Variants in MYLK observed in about 807,000 individuals in gnomAD.
The protein encoded by MYLK is myosin light chain kinase, smooth muscle.
In MYLK, 106 loss-of-function variants were observed where a neutral mutation model predicts 203.4. The observed-to-expected ratio is 0.52, with a 90% CI of 0.45 to 0.61. The LOEUF is 0.61. Among genes scored for constraint, MYLK ranks in the 20% least tolerant of loss-of-function variants. The pLI is 0.00. For missense variants in MYLK, 2,072 were observed against 2,442.3 expected (o/e 0.85, Z 3.20); for synonymous variants, 867 against 959.5 (o/e 0.90, Z 1.78).
At chr3:123,620,723 T>C in intron 31 of MYLK, 1 of 811,598 alleles carries the variant, frequency 1.2e-6, no homozygotes, top group Non-Finnish European at 1.5e-6. Context: ...CTATTTCTCG[T>C]AAAACAATGC....
intron 20 of MYLK, among the ~76,000 whole-genome samples, chr3:123,675,106 T>C (rs2060031930): frequency 6.6e-6 from 1 of 152,224 alleles, no homozygotes; most frequent in African/African-American, 2.4e-5. Flanking sequence ...TGCTGAGAAA[T>C]ATAGCCCTGG....
Position 123,820,652 on chromosome 3 carries a change from T to TTCCTTCCTTCCTTCCC in MYLK, c.-4+10895_-4+10896insGGGAAGGAAGGAAGGA, listed in dbSNP as rs1560259959. Among the ~76,000 whole-genome samples, 23 of 113,928 alleles carry TTCCTTCCTTCCTTCCC rather than the reference T, an allele frequency of 2.0e-4. No homozygotes were observed. The South Asian group carries it at 5.1e-3, about 25-fold the overall frequency. The allele number at this position is 113,928 out of a possible 152,430, so 74.7% of individuals were successfully genotyped here. A position where few individuals can be genotyped will look rare whatever the true frequency, so the allele number is the denominator to read the frequency against. On this transcript the variant is annotated intron_variant, in intron 3 of 33. Transcript: ENST00000360304. ...CTTCCTTCCTTCCTTCCCTCCTTCC[T>TTCCTTCCTTCCTTCCC]TCCTTCCTTCCCTCCTTCCTTCCTT...
intron 5 of MYLK, among the ~76,000 whole-genome samples, chr3:123,750,423 C>T (rs1263356328): frequency 6.6e-6 from 1 of 152,124 alleles, no homozygotes. Context: ...CCTGCTTGGT[C>T]ATGACATCAG....
chr3:123,829,668 C>T (rs1186152620), intron 3 of MYLK, among the ~76,000 whole-genome samples: 3 of 152,116 alleles, frequency 2.0e-5, no homozygotes, highest in Non-Finnish European at 4.4e-5. Flanking sequence ...ATCTGATCAC[C>T]ATATATTAAT....
chr3:123,762,525 C>A (rs1277469898), intron 4 of MYLK, among the ~76,000 whole-genome samples: 1 of 152,160 alleles, frequency 6.6e-6, no homozygotes, highest in Admixed American at 6.5e-5. Context: ...AGCCACTGCA[C>A]CTGGCCTACT....
intron 3 of MYLK, among the ~76,000 whole-genome samples, chr3:123,794,564 G>A (rs1288061417): frequency 1.3e-5 from 2 of 152,106 alleles, no homozygotes; most frequent in Non-Finnish European, 2.9e-5. Context: ...CTTGCCCCAG[G>A]AGACAGAGCA....
At chr3:123,796,538 T>A (rs1033576908) in intron 3 of MYLK, among the ~76,000 whole-genome samples, 2 of 152,238 alleles carry the variant, frequency 1.3e-5, no homozygotes, top group Admixed American at 6.5e-5. Flanking sequence ...AGATGGGTGA[T>A]AACCTGGAAT....
At position 123,842,346 on chromosome 3, in the gene MYLK, G is replaced by C. The variant is rs372044805; in HGVS notation, c.-126-10676C>G. Among the ~76,000 whole-genome samples, 22 of 152,212 alleles carry C rather than the reference G, an allele frequency of 1.4e-4. No homozygotes were observed. The East Asian group carries it at 4.1e-3, about 28-fold the overall frequency. On this transcript the variant is annotated intron_variant, in intron 2 of 33. Transcript: ENST00000360304. The stretch of plus-strand genomic sequence containing the variant: ...GTAGAGAATACCCCTGGCATCATCA[G>C]TTTTAGAAATGGGGGTCTAGTAACT...
chr3:123,744,488 T>C (rs2062955853), intron 5 of MYLK, among the ~76,000 whole-genome samples: 1 of 152,172 alleles, frequency 6.6e-6, no homozygotes, highest in African/African-American at 2.4e-5. Flanking sequence ...GAAGATAACA[T>C]AGCAAGACAA....
At chr3:123,677,121 C>T (rs1345797756) in intron 20 of MYLK, among the ~76,000 whole-genome samples, 3 of 152,192 alleles carry the variant, frequency 2.0e-5, no homozygotes, top group Non-Finnish European at 2.9e-5. Context: ...ACTTTTGCTG[C>T]TGTGTGACCT....
In MYLK at chr3:123,614,001, T is replaced by A; in HGVS notation, c.*104A>T. The A allele has an allele frequency of 7.1e-7, 1 of 1,408,114 alleles. No homozygotes were observed. Among genetic ancestry groups the A allele is most frequent in the South Asian group, 1.2e-5 (1 of 80,740 alleles). 87.2% of individuals were successfully genotyped at this position (1,408,114 alleles called of 1,614,324 possible). On this transcript the variant is annotated 3_prime_UTR_variant, in exon 34 of 34. Coordinates refer to ENST00000360304, the MANE Select transcript of MYLK (RefSeq NM_053025.4). The stretch of plus-strand genomic sequence containing the variant: ...CACAAATGACCTAACCGATAATCTA[T>A]CACACTAGGTGCTTTTACTATCTTG...
intron 27 of MYLK, among the ~76,000 whole-genome samples, chr3:123,645,838 G>C (rs2059000050): frequency 6.6e-6 from 1 of 152,244 alleles, no homozygotes; most frequent in Non-Finnish European, 1.5e-5. Flanking sequence ...AACTCCCATA[G>C]CAATTTGCTG....
chr3:123,738,586 T>C (rs752995070), intron 7 of MYLK, among the ~76,000 whole-genome samples: 2 of 152,132 alleles, frequency 1.3e-5, no homozygotes, highest in African/African-American at 2.4e-5. Context: ...AGGGACCCAG[T>C]GGGAGGTAAC....
chr3:123,850,151 C>T (rs1312974522), intron 2 of MYLK, among the ~76,000 whole-genome samples: 4 of 152,266 alleles, frequency 2.6e-5, no homozygotes, highest in Admixed American at 6.5e-5. Context: ...CATTGTTGGA[C>T]ATTTGGGTTG....
chr3:123,633,249 C>T (rs543460601), intron 29 of MYLK, among the ~76,000 whole-genome samples: 72 of 152,174 alleles, frequency 4.7e-4, no homozygotes, highest in Admixed American at 2.6e-3. Context: ...ACCTAAGCCA[C>T]CCAAGTAGCA....
At chr3:123,828,118 A>G (rs988688377) in intron 3 of MYLK, among the ~76,000 whole-genome samples, 1 of 152,118 alleles carries the variant, frequency 6.6e-6, no homozygotes, top group South Asian at 2.1e-4. Flanking sequence ...TAAACTTTGT[A>G]TGGAACAATG....
chr3:123,853,599 G>A (rs747884667), intron 2 of MYLK, among the ~76,000 whole-genome samples: 17 of 152,100 alleles, frequency 1.1e-4, no homozygotes, highest in Non-Finnish European at 1.0e-4. Flanking sequence ...ACTATATGAT[G>A]GAGGTGTAGG....
intron 31 of MYLK, chr3:123,620,962 C>T (rs546596695): frequency 2.0e-5 from 3 of 153,334 alleles, no homozygotes; most frequent in Admixed American, 1.3e-4. Context: ...TTGAGAAACA[C>T]TCTGGCTGGC....
chr3:123,734,044 T>G lies in MYLK; in HGVS notation c.952A>C (p.Arg318=). 6.2e-7 allele frequency: 1 copy of G among 1,614,060 alleles called. No individual in the cohort carries two copies. Among genetic ancestry groups the G allele is most frequent in the Non-Finnish European group, 8.5e-7 (1 of 1,179,962 alleles). The change falls in exon 10 of 34, where the codon AGG becomes CGG. Residue 318 remains arginine, a synonymous_variant. Coordinates refer to ENST00000360304, the MANE Select transcript of MYLK (RefSeq NM_053025.4). ...WAANSQPQPP[R]ESKLESCKDS... ...TTGCATGACTCCAGCTTGGACTCCCTTGGGGGCTGAGGCTGGCTGTTTGCA... is the reference window on the plus strand; with the variant it reads ...TTGCATGACTCCAGCTTGGACTCCCGTGGGGGCTGAGGCTGGCTGTTTGCA...
Sources: allele counts gnomAD v4.1 joint callset (sites outside exome capture counted in the v4.1 genomes callset), GRCh38; gene constraint gnomAD v4.1.1; transcripts MANE v1.5; gene names NCBI Gene and HGNC (gene_info 2026-07-23, HGNC 2026-07-21).